PPARG: variants seen among roughly 807,000 people sequenced by gnomAD.
PPARG encodes the protein peroxisome proliferator-activated receptor gamma.
A neutral mutation model predicts 39.2 loss-of-function variants in PPARG; 17 were observed. That is an observed-to-expected ratio of 0.43 (90% CI 0.30 to 0.65). The LOEUF (loss-of-function observed/expected upper bound fraction) is 0.65. PPARG is among the 30% of genes least tolerant of loss of function. The probability of loss-of-function intolerance (pLI) is 0.13; values close to 1 mark genes in which losing one functional copy is unlikely to be tolerated. For synonymous variants in PPARG, 223 were observed against 215.7 expected (o/e 1.03, Z -0.30); for missense variants, 406 against 585.9 (o/e 0.69, Z 3.17).
intron 1 of PPARG, among the ~76,000 whole-genome samples, chr3:12,304,908 G>A (rs757285889): frequency 6.6e-6 from 1 of 152,126 alleles, no homozygotes; most frequent in African/African-American, 2.4e-5. Flanking sequence ...AACTAATGAC[G>A]ACTCTCTCTG....
chr3:12,311,893 T>C (rs759061537), intron 1 of PPARG, among the ~76,000 whole-genome samples: 5 of 152,242 alleles, frequency 3.3e-5, no homozygotes, highest in Non-Finnish European at 4.4e-5. Flanking sequence ...ACCTTAGGCT[T>C]AATAACCATG....
At chr3:12,393,526 CTGAT>C (rs2050153719) in intron 5 of PPARG, among the ~76,000 whole-genome samples, 1 of 152,022 alleles carries the variant, frequency 6.6e-6, no homozygotes, top group African/African-American at 2.4e-5. Flanking sequence ...CTATTTGGTT[CTGAT>C]TGGTTGCCTG....
Position 12,392,592 on chromosome 3 carries a change from C to A in PPARG, c.391-22C>A, listed in dbSNP as rs4135333. 4,109 of 1,613,336 alleles carry A rather than the reference C, an allele frequency of 2.5e-3. 89 individuals are homozygous for A. In the African/African-American group the frequency reaches 0.047, roughly 19 times the overall value. ...ATGTGTCATAAAGACTTAAAATTTG[C>A]TTCTTTTTTATCCCTTTGCAGGGTT... On this transcript the variant is annotated intron_variant, in intron 4 of 7. Transcript: ENST00000651735.
intron 6 of PPARG, among the ~76,000 whole-genome samples, chr3:12,410,224 T>C (rs1219422681): frequency 6.6e-6 from 1 of 152,202 alleles, no homozygotes; most frequent in South Asian, 2.1e-4. Flanking sequence ...GGCCCCTTAT[T>C]TAAGAGATCT....
intron 1 of PPARG, among the ~76,000 whole-genome samples, chr3:12,295,804 C>A (rs1159285616): frequency 6.6e-6 from 1 of 151,962 alleles, no homozygotes; most frequent in African/African-American, 2.4e-5. Flanking sequence ...TGTGAGCCAC[C>A]GTGCCTGGCA....
At chr3:12,419,086 A>G (rs1267914564) in intron 7 of PPARG, among the ~76,000 whole-genome samples, 2 of 152,130 alleles carry the variant, frequency 1.3e-5, no homozygotes, top group African/African-American at 4.8e-5. Context: ...CTGGGATTAC[A>G]GGCACATGCC....
At chr3:12,424,714 C>T (rs904516332) in intron 7 of PPARG, among the ~76,000 whole-genome samples, 4 of 152,114 alleles carry the variant, frequency 2.6e-5, no homozygotes, top group Non-Finnish European at 5.9e-5. Context: ...GGCTCACCAG[C>T]GTCACAAGTA....
At chr3:12,407,850 T>TA (rs1325053855) in intron 6 of PPARG, among the ~76,000 whole-genome samples, 1 of 152,204 alleles carries the variant, frequency 6.6e-6, no homozygotes, top group Non-Finnish European at 1.5e-5. Flanking sequence ...AGGTCTTTGA[T>TA]ACCTCAACAA....
At chr3:12,298,747 A>C (rs1377848640) in intron 1 of PPARG, among the ~76,000 whole-genome samples, 1 of 152,216 alleles carries the variant, frequency 6.6e-6, no homozygotes, top group Non-Finnish European at 1.5e-5. Flanking sequence ...AGATCTTAGA[A>C]TGTGTTTATG....
chr3:12,420,541 C>G lies in PPARG; in HGVS notation c.1180+3387C>G, dbSNP rs370958929. Among the ~76,000 whole-genome samples, 79 of 152,266 alleles carry G rather than the reference C, an allele frequency of 5.2e-4. 1 individual carries two copies. In the East Asian group the frequency reaches 6.6e-3, roughly 13 times the overall value. ...CCTCATTCTGAGCTGGCTGTGGATTCACAGAAGAACTTCACTTCAGCAAAG... is the reference window on the plus strand; with the variant it reads ...CCTCATTCTGAGCTGGCTGTGGATTGACAGAAGAACTTCACTTCAGCAAAG... On this transcript the variant is annotated intron_variant, in intron 7 of 7. Transcript: ENST00000651735.
intron 7 of PPARG, among the ~76,000 whole-genome samples, chr3:12,427,337 A>G (rs1205728564): frequency 1.3e-5 from 2 of 152,162 alleles, no homozygotes; most frequent in African/African-American, 2.4e-5. Flanking sequence ...ACTCAACTAC[A>G]GGAACGAGAA....
At chr3:12,426,514 G>A (rs1267486512) in intron 7 of PPARG, among the ~76,000 whole-genome samples, 1 of 151,986 alleles carries the variant, frequency 6.6e-6, no homozygotes, top group Non-Finnish European at 1.5e-5. Context: ...GGAGTGGAAA[G>A]GGGAAAACAT....
chr3:12,346,715 G>A (rs1189408447), intron 2 of PPARG, among the ~76,000 whole-genome samples: 1 of 151,686 alleles, frequency 6.6e-6, no homozygotes, highest in African/African-American at 2.4e-5. Flanking sequence ...GCTCACTGCA[G>A]CCTCGGTCTC....
chr3:12,295,513 AAT>A (rs748434486), intron 1 of PPARG, among the ~76,000 whole-genome samples: 4,196 of 118,880 alleles, frequency 0.035, 165 homozygotes, highest in African/African-American at 0.13. Flanking sequence ...TTCAAAAAAA[AAT>A]TTTTTTTTTT....
intron 7 of PPARG, among the ~76,000 whole-genome samples, chr3:12,430,437 G>C (rs1271576208): frequency 1.3e-5 from 2 of 152,246 alleles, no homozygotes; most frequent in East Asian, 3.8e-4. Context: ...AATAAGAGCA[G>C]AGCCTTTGGA....
intron 1 of PPARG, among the ~76,000 whole-genome samples, chr3:12,303,821 G>A (rs2046989570): frequency 6.6e-6 from 1 of 152,190 alleles, no homozygotes; most frequent in Non-Finnish European, 1.5e-5. Flanking sequence ...GAAATGGAGT[G>A]GGTGACTTAT....
intron 2 of PPARG, chr3:12,351,436 C>T: frequency 3.0e-6 from 2 of 675,714 alleles, no homozygotes; most frequent in Non-Finnish European, 2.7e-6. Context: ...TGTGTTTATT[C>T]CCATCTCTCC....
chr3:12,399,820 C>A (rs1366274306), intron 5 of PPARG, among the ~76,000 whole-genome samples: 341 of 103,030 alleles, frequency 3.3e-3, no homozygotes, highest in Middle Eastern at 5.0e-3. Context: ...CCATGTCTAC[C>A]AAAAAAAAAA....
At chr3:12,306,533 T>C (rs1574959439) in intron 1 of PPARG, among the ~76,000 whole-genome samples, 1 of 152,308 alleles carries the variant, frequency 6.6e-6, no homozygotes, top group Non-Finnish European at 1.5e-5. Flanking sequence ...GAGCCTACTT[T>C]GCAAGTATTT....
Sources: gnomAD v4.1 joint callset for allele counts (sites outside exome capture counted in the v4.1 genomes callset) on GRCh38, gnomAD v4.1.1 for gene constraint, MANE v1.5 for transcripts, NCBI Gene and HGNC (gene_info 2026-07-23, HGNC 2026-07-21) for gene names.